SORBS2: variants seen among roughly 807,000 people sequenced by gnomAD.
SORBS2 encodes sorbin and SH3 domain-containing protein 2.
SORBS2 carries 46 observed loss-of-function variants against 97.7 expected under a neutral mutation model. The observed-to-expected ratio is 0.47, with a 90% confidence interval of 0.37 to 0.60. The LOEUF is 0.60. Among genes scored for constraint, SORBS2 ranks in the 20% least tolerant of loss-of-function variants. The probability of loss-of-function intolerance (pLI) is 0.00; values close to 1 mark genes in which losing one functional copy is unlikely to be tolerated. For synonymous variants in SORBS2, 476 were observed against 473.4 expected, an observed-to-expected ratio of 1.01 and a Z score of -0.07; for missense variants, 1,316 against 1,282.3, an observed-to-expected ratio of 1.03 and a Z score of -0.40.
At chr4:185,649,639 A>C (rs748537395) in exon 3 of SORBS2, 1 of 1,522,436 alleles carries the variant, frequency 6.6e-7, no homozygotes, top group Non-Finnish European at 8.8e-7. Context: ...TGAGCACTGT[A>C]GGGTGGGTTG....
At chr4:185,707,356 C>G (rs1256932445) in intron 2 of SORBS2, among the ~76,000 whole-genome samples, 1 of 152,066 alleles carries the variant, frequency 6.6e-6, no homozygotes, top group Non-Finnish European at 1.5e-5. Flanking sequence ...TAAAGGATTG[C>G]AACAGTTTAT....
chr4:185,773,958 T>C (rs2098986772), intron 2 of SORBS2: 1 of 149,342 alleles, frequency 6.7e-6, no homozygotes, highest in African/African-American at 2.5e-5. Context: ...TTTTTTTTTT[T>C]CCAGTTTTCT....
intron 1 of SORBS2, among the ~76,000 whole-genome samples, chr4:185,882,252 C>T (rs1420115484): frequency 1.3e-5 from 2 of 152,024 alleles, no homozygotes; most frequent in African/African-American, 4.8e-5. Flanking sequence ...TAGAAGGTTG[C>T]AATATACAAG....
At chr4:185,685,655 C>T (rs940530857) in intron 2 of SORBS2, among the ~76,000 whole-genome samples, 1 of 152,186 alleles carries the variant, frequency 6.6e-6, no homozygotes, top group Admixed American at 6.5e-5. Context: ...CCTCAGTCTC[C>T]TGAGTAGCTA....
intron 4 of SORBS2, among the ~76,000 whole-genome samples, chr4:185,636,924 G>A: frequency 6.6e-6 from 1 of 152,188 alleles, no homozygotes; most frequent in East Asian, 1.9e-4. Flanking sequence ...TGGGATTACA[G>A]GTGTGAGCCA....
intron 1 of SORBS2, chr4:185,918,049 A>T (rs1048136025): frequency 2.6e-5 from 4 of 152,238 alleles, no homozygotes; most frequent in African/African-American, 9.6e-5. Context: ...GCTGAGACAC[A>T]TTCTAACAGT....
chr4:185,684,613 G>A lies in SORBS2; in HGVS notation c.-197-5791C>T, dbSNP rs2097920290. 1 of 617,248 alleles carries A rather than the reference G, an allele frequency of 1.6e-6. No homozygotes were observed. Among genetic ancestry groups the A allele is most frequent in the Non-Finnish European group, 2.8e-6 (1 of 355,738 alleles). The allele number at this position is 617,248 out of a possible 1,614,324, so 38.2% of individuals were successfully genotyped here. A position where few individuals can be genotyped will look rare whatever the true frequency, so the allele number is the denominator to read the frequency against. ...CAGTTACTCAACCTATTTTTGGCAA[G>A]TGACTGCTGTTTTTAATTACACATT... On this transcript the variant is annotated intron_variant, in intron 2 of 20. Transcript: ENST00000284776. This position sits in a 1 kb window ranked among gnomAD's most constrained non-coding sequence, Gnocchi z 4.2.
Position 185,624,260 on chromosome 4 carries a change from T to C in SORBS2, c.869A>G (p.Asp290Gly), listed in dbSNP as rs775477465. 8.7e-6 allele frequency: 14 copies of C among 1,614,060 alleles called. No individual in the cohort carries two copies. Among genetic ancestry groups the C allele is most frequent in the Non-Finnish European group, 1.2e-5 (14 of 1,180,034 alleles). ...GCTATCGCAGTCGTCGTTTAGGAGA[T>C]CGTCACAGCTCCGGGATTTGATTTT... The change falls in exon 7 of 15, where the codon GAT becomes GGT. Residue 290 changes from aspartate to glycine, a missense_variant. Physicochemically the swap from Asp to Gly is moderately conservative, Grantham distance 94. Coordinates refer to ENST00000418609, the Ensembl canonical transcript of SORBS2.
At chr4:185,605,444 G>T (rs1346286694) in intron 12 of SORBS2, among the ~76,000 whole-genome samples, 1 of 151,918 alleles carries the variant, frequency 6.6e-6, no homozygotes, top group Admixed American at 6.6e-5. Context: ...CACCATGTCT[G>T]ACTAATTTTT....
At chr4:185,622,839 T>C in intron 7 of SORBS2, 75 bp downstream of exon 19, 2 of 1,419,040 alleles carry the variant, frequency 1.4e-6, no homozygotes, top group Non-Finnish European at 1.9e-6. Flanking sequence ...AGTGATGAGA[T>C]GTTGGAATGG....
chr4:185,586,407 A>G (rs2095801857), exon 15 of SORBS2: 1 of 152,658 alleles, frequency 6.6e-6, no homozygotes, highest in Admixed American at 6.5e-5. Flanking sequence ...GAAATATTTT[A>G]CACACACCAG....
chr4:185,757,270 A>G (rs2098837051), intron 2 of SORBS2: 1 of 216,722 alleles, frequency 4.6e-6, no homozygotes, highest in African/African-American at 2.3e-5. Flanking sequence ...AAACAGAAAC[A>G]TCCAGTTGTG....
At chr4:185,875,411 A>G (rs2099232984) in intron 1 of SORBS2, among the ~76,000 whole-genome samples, 1 of 152,236 alleles carries the variant, frequency 6.6e-6, no homozygotes, top group African/African-American at 2.4e-5. Flanking sequence ...AAAAACAACA[A>G]AAAATAAAAC....
At chr4:185,672,465 T>C (rs1306688556) in intron 4 of SORBS2, among the ~76,000 whole-genome samples, 1 of 152,246 alleles carries the variant, frequency 6.6e-6, no homozygotes, top group Non-Finnish European at 1.5e-5. Context: ...TTCACTTACT[T>C]GACATTGAGA....
intron 1 of SORBS2, among the ~76,000 whole-genome samples, chr4:185,921,017 C>T (rs1579503678): frequency 6.6e-6 from 1 of 152,186 alleles, no homozygotes; most frequent in East Asian, 1.9e-4. Flanking sequence ...CCCCTCAGCA[C>T]CTGAGAGGCA....
chr4:185,638,808 C>T, intron 4 of SORBS2, 69 bp downstream of exon 14: 1 of 1,372,204 alleles, frequency 7.3e-7, no homozygotes, highest in Non-Finnish European at 9.5e-7. Context: ...TCGCCAGGCT[C>T]TGAGCAAGCA....
intron 2 of SORBS2, among the ~76,000 whole-genome samples, chr4:185,763,809 TA>T (rs1170369512): frequency 6.6e-6 from 1 of 152,230 alleles, no homozygotes; most frequent in African/African-American, 2.4e-5. Flanking sequence ...AATTATTCAA[TA>T]TTATCCATTT....
intron 4 of SORBS2, among the ~76,000 whole-genome samples, chr4:185,642,851 A>G (rs2097148705): frequency 6.6e-6 from 1 of 152,168 alleles, no homozygotes; most frequent in African/African-American, 2.4e-5. Flanking sequence ...AGTGTGTCAA[A>G]CCCCTCCAAG....
chr4:185,637,955 T>C (rs2306707), intron 4 of SORBS2, 124 bp downstream of exon 15: 159,180 of 682,972 alleles, frequency 0.23, 19,441 homozygotes, highest in Admixed American at 0.27. Context: ...GTACCAAGTG[T>C]GTGTATACAT....
Sources: allele counts gnomAD v4.1 joint callset (sites outside exome capture counted in the v4.1 genomes callset), GRCh38; gene constraint gnomAD v4.1.1; non-coding constraint Gnocchi (gnomAD v3.1); transcripts MANE v1.5; gene names NCBI Gene and HGNC (gene_info 2026-07-23, HGNC 2026-07-21).